EXOC3L2: variants seen among roughly 807,000 people sequenced by gnomAD.
EXOC3L2 encodes exocyst complex component 3 like 2.
In EXOC3L2, 17 loss-of-function variants were observed where a neutral mutation model predicts 44.4. That is an observed-to-expected ratio of 0.38 (90% CI 0.26 to 0.57). The LOEUF is 0.57. Ranked by LOEUF, EXOC3L2 falls within the 20% of genes least tolerant of loss-of-function variation. The pLI is 0.65. For synonymous variants in EXOC3L2, 256 were observed against 253.7 expected (o/e 1.01, Z -0.09); for missense variants, 541 against 588.4 (o/e 0.92, Z 0.83).
At position 45,238,116 on chromosome 19, in the gene EXOC3L2, C is replaced by T. The variant is rs566544574; in HGVS notation, c.523+407G>A. The stretch of plus-strand genomic sequence containing the variant: ...TTGCACCACTGCACTCCAGCCTGGG[C>T]GACAGAGGCAAAAAAATAATAATAA... On this transcript the variant is annotated intron_variant, in intron 2 of 11. Transcript: ENST00000413988. This position sits in a 1 kb window ranked among gnomAD's most constrained non-coding sequence, Gnocchi z 5.5. Among the ~76,000 whole-genome samples the T allele has an allele frequency of 8.6e-5, 13 of 151,242 alleles. No homozygotes were observed. Among genetic ancestry groups the T allele is most frequent in the Middle Eastern group, 3.4e-3 (1 of 294 alleles).
intron 4 of EXOC3L2, 33 bp from the exon 5 acceptor site, chr19:45,228,299 TGG>T: frequency 3.1e-6 from 5 of 1,601,412 alleles, no homozygotes; most frequent in Non-Finnish European, 4.3e-6. Flanking sequence ...AGGCAGGAGT[TGG>T]GGGCGGCCTG....
intron 8 of EXOC3L2, among the ~76,000 whole-genome samples, chr19:45,221,780 T>C (rs1969901314): frequency 1.3e-5 from 2 of 151,412 alleles, no homozygotes; most frequent in Non-Finnish European, 2.9e-5. Context: ...CCCAAGTACC[T>C]GGGACTACAG....
At chr19:45,235,632 C>T (rs758416780) in intron 2 of EXOC3L2, among the ~76,000 whole-genome samples, 4 of 152,116 alleles carry the variant, frequency 2.6e-5, no homozygotes, top group Non-Finnish European at 5.9e-5. Flanking sequence ...GAAGGAGGGT[C>T]CTGGCAGCCC....
At chr19:45,217,421 T>A (rs1969846687) in intron 10 of EXOC3L2, 107 bp downstream of exon 10, 1 of 1,314,556 alleles carries the variant, frequency 7.6e-7, no homozygotes, top group Non-Finnish European at 9.9e-7. Context: ...TGAGAGTTTC[T>A]GTCCTGAGCT....
rs10469292 is a variant in EXOC3L2, at chr19:45,238,290, T to A, written c.523+233A>T. Among the ~76,000 whole-genome samples, 5,548 of 152,008 alleles carry A rather than the reference T, an allele frequency of 0.036. 362 individuals are homozygous for A. The highest frequency in any genetic ancestry group is 0.13 in the African/African-American group (5,261 of 41,416). On this transcript the variant is annotated intron_variant, in intron 2 of 11. Coordinates refer to ENST00000413988, the MANE Select transcript of EXOC3L2 (RefSeq NM_001382422.1). This position sits in a 1 kb window ranked among gnomAD's most constrained non-coding sequence, Gnocchi z 5.5. ...AGGAGGCAAAGATTGAGGGTGGGCA[T>A]ATATTAACAGGTGGCACTGAAGAGA...
intron 8 of EXOC3L2, among the ~76,000 whole-genome samples, chr19:45,219,478 G>A (rs1800215043): frequency 6.6e-6 from 1 of 151,796 alleles, no homozygotes. Flanking sequence ...GCCCTTAAGG[G>A]AAGGAGGACG....
At chr19:45,242,847 G>A (rs1307583222) in intron 1 of EXOC3L2, among the ~76,000 whole-genome samples, 2 of 130,582 alleles carry the variant, frequency 1.5e-5, no homozygotes, top group African/African-American at 3.1e-5. Context: ...AGGCAACAGA[G>A]CGAAACTCCA....
chr19:45,241,831 C>G (rs949708153), intron 1 of EXOC3L2, among the ~76,000 whole-genome samples: 1 of 152,204 alleles, frequency 6.6e-6, no homozygotes, highest in Non-Finnish European at 1.5e-5. Flanking sequence ...TCTGCCTGCT[C>G]TGGGTCATCC....
chr19:45,230,204 C>T (rs562734202), intron 4 of EXOC3L2, among the ~76,000 whole-genome samples: 140 of 151,646 alleles, frequency 9.2e-4, no homozygotes, highest in African/African-American at 3.2e-3. Flanking sequence ...AAATGTTTTA[C>T]AAAACATTTT....
intron 11 of EXOC3L2, among the ~76,000 whole-genome samples, chr19:45,214,505 G>C (rs752018056): frequency 2.0e-5 from 3 of 151,916 alleles, no homozygotes; most frequent in Admixed American, 6.6e-5. Flanking sequence ...TGCTCTGTTG[G>C]CCAGGCTGGA....
In EXOC3L2 at chr19:45,231,887, G is replaced by T. The variant is rs757215478; in HGVS notation, c.1158-13C>A. ...CCCTAGGACCTCTCTGGGGATGGGG[G>T]TGAGAGAAAAGGAGGTCTGTGAAAA... On this transcript the variant is annotated splice_polypyrimidine_tract_variant and intron_variant, in intron 3 of 11. Transcript: ENST00000413988. The T allele has an allele frequency of 1.8e-5, 28 of 1,563,032 alleles. No homozygotes were observed. The highest frequency in any genetic ancestry group is 2.4e-5 in the Non-Finnish European group (27 of 1,140,530).
chr19:45,226,399 C>T (rs769490165), intron 7 of EXOC3L2, among the ~76,000 whole-genome samples: 13 of 152,088 alleles, frequency 8.5e-5, no homozygotes, highest in African/African-American at 1.2e-4. Flanking sequence ...CCTGGGAGTC[C>T]GAGACCAGCC....
intron 1 of EXOC3L2, among the ~76,000 whole-genome samples, chr19:45,240,761 G>A (rs548278799): frequency 6.6e-6 from 1 of 152,112 alleles, no homozygotes; most frequent in South Asian, 2.1e-4. Flanking sequence ...AAAATTAGCC[G>A]GGCGTGGTGG....
chr19:45,232,202 G>T (rs994701523), intron 3 of EXOC3L2, among the ~76,000 whole-genome samples: 20 of 152,094 alleles, frequency 1.3e-4, no homozygotes, highest in Admixed American at 1.2e-3. Context: ...AGGCCCTGCT[G>T]CCTTACCTGG....
chr19:45,237,705 C>T (rs991827321), intron 2 of EXOC3L2, among the ~76,000 whole-genome samples: 1 of 151,290 alleles, frequency 6.6e-6, no homozygotes, highest in Non-Finnish European at 1.5e-5. Context: ...ATTACGTCCC[C>T]CCAGAAAAAA....
At chr19:45,214,732 T>C (rs566053435) in intron 11 of EXOC3L2, among the ~76,000 whole-genome samples, 9 of 151,950 alleles carry the variant, frequency 5.9e-5, no homozygotes, top group Admixed American at 1.3e-4. Context: ...CCCAAAGTGC[T>C]GGGATTACAA....
At chr19:45,244,051 G>A (rs1270821194) in intron 1 of EXOC3L2, among the ~76,000 whole-genome samples, 1 of 152,042 alleles carries the variant, frequency 6.6e-6, no homozygotes, top group Non-Finnish European at 1.5e-5. Flanking sequence ...AACCTCCCGA[G>A]TAGCTGGGAG....
Position 45,213,229 on chromosome 19 carries a change from C to T in EXOC3L2, c.2249G>A (p.Arg750His), listed in dbSNP as rs367776193. The T allele has an allele frequency of 4.0e-5, 65 of 1,611,954 alleles. No homozygotes were observed. Among genetic ancestry groups the T allele is most frequent in the African/African-American group, 1.7e-4 (13 of 74,806 alleles). The change falls in exon 12 of 12, where the codon CGT (arginine) becomes CAT (histidine). Residue 750 changes from arginine to histidine, a missense_variant. Physicochemically the swap from Arg to His is conservative, Grantham distance 29. Coordinates refer to ENST00000413988, the MANE Select transcript of EXOC3L2 (RefSeq NM_001382422.1). ...CACAGGGATGTCTGCAAAGAAGGCA[C>T]GGTCCCGAGGGGGTGACAGGGCTCC... ...EEGALSPPRD[R>H]AFFADIPVPR...
At chr19:45,233,525 G>A (rs1160887439) in intron 3 of EXOC3L2, among the ~76,000 whole-genome samples, 3 of 152,182 alleles carry the variant, frequency 2.0e-5, no homozygotes, top group African/African-American at 7.2e-5. Flanking sequence ...TCTAAGACTG[G>A]AAGGGTGAAC....
Sources: gnomAD v4.1 joint callset for allele counts (sites outside exome capture counted in the v4.1 genomes callset) on GRCh38, gnomAD v4.1.1 for gene constraint, Gnocchi (gnomAD v3.1) non-coding constraint, MANE v1.5 for transcripts, NCBI Gene and HGNC (gene_info 2026-07-23, HGNC 2026-07-21) for gene names.